The following NAV3 variants were observed in gnomAD, a reference collection of about 807,000 sequenced individuals.
NAV3 encodes pore membrane and/or filament interacting like protein 1.
In NAV3, 87 loss-of-function variants were observed where a neutral mutation model predicts 244.7. The observed-to-expected ratio is 0.36, with a 90% CI of 0.30 to 0.42. The LOEUF is 0.42. Among genes scored for constraint, NAV3 ranks in the 20% least tolerant of loss-of-function variants. The probability of loss-of-function intolerance (pLI) is 1.00; values close to 1 mark genes in which losing one functional copy is unlikely to be tolerated. For missense variants in NAV3, 2,663 were observed against 2,893.3 expected (o/e 0.92, Z 1.83); for synonymous variants, 1,126 against 1,042.2 (o/e 1.08, Z -1.55).
intron 2 of NAV3, among the ~76,000 whole-genome samples, chr12:77,639,197 T>A (rs1872285822): frequency 6.6e-6 from 1 of 152,208 alleles, no homozygotes; most frequent in Non-Finnish European, 1.5e-5. Flanking sequence ...TTAAAAAAAT[T>A]TTTTTTATCC....
At chr12:77,682,928 C>G (rs10161224) in intron 2 of NAV3, among the ~76,000 whole-genome samples, 18,620 of 151,932 alleles carry the variant, frequency 0.12, 2,021 homozygotes, top group African/African-American at 0.29. Flanking sequence ...GTTATCAAGT[C>G]TATGACCTGC....
At chr12:77,709,294 G>A (rs980995164) in intron 2 of NAV3, among the ~76,000 whole-genome samples, 5 of 152,204 alleles carry the variant, frequency 3.3e-5, no homozygotes, top group African/African-American at 1.2e-4. Flanking sequence ...GTATTGATGG[G>A]ACGTATCTCA....
chr12:78,015,030 T>A (rs1239232284), intron 8 of NAV3, among the ~76,000 whole-genome samples: 7 of 152,080 alleles, frequency 4.6e-5, no homozygotes, highest in Admixed American at 1.3e-4. Flanking sequence ...GGCACTTTTG[T>A]GTAGAATACT....
At chr12:78,047,945 A>G (rs372788705) in intron 9 of NAV3, among the ~76,000 whole-genome samples, 3 of 151,844 alleles carry the variant, frequency 2.0e-5, no homozygotes, top group African/African-American at 7.2e-5. Flanking sequence ...TTTATGCTTT[A>G]TTTCAGTAAG....
chr12:77,627,263 T>C (rs1214709291), intron 2 of NAV3, among the ~76,000 whole-genome samples: 1 of 151,976 alleles, frequency 6.6e-6, no homozygotes, highest in African/African-American at 2.4e-5. Flanking sequence ...CAAAATAGAC[T>C]TTAAGTAAAA....
At chr12:77,740,625 A>G (rs554432889) in intron 2 of NAV3, among the ~76,000 whole-genome samples, 1 of 152,316 alleles carries the variant, frequency 6.6e-6, no homozygotes, top group East Asian at 1.9e-4. Flanking sequence ...TATTTCACTC[A>G]TGGTACTGTA....
chr12:77,924,919 C>A (rs1485502668), intron 1 of NAV3, among the ~76,000 whole-genome samples: 1 of 151,580 alleles, frequency 6.6e-6, no homozygotes, highest in Non-Finnish European at 1.5e-5. Context: ...AATAATCCTA[C>A]GAGATAGGCA....
At chr12:77,630,775 A>G (rs1356885075) in intron 2 of NAV3, among the ~76,000 whole-genome samples, 2 of 152,182 alleles carry the variant, frequency 1.3e-5, no homozygotes, top group Admixed American at 6.5e-5. Context: ...CTTTATTTCA[A>G]TAAAATTTGC....
chr12:77,572,924 T>G (rs545883727), intron 2 of NAV3, among the ~76,000 whole-genome samples: 2 of 152,198 alleles, frequency 1.3e-5, no homozygotes, highest in African/African-American at 4.8e-5. Flanking sequence ...TTTTAGAAAC[T>G]CTTACCTGCT....
intron 18 of NAV3, chr12:78,130,618 A>G (rs1295579744): frequency 6.3e-6 from 1 of 158,134 alleles, no homozygotes; most frequent in African/African-American, 2.4e-5. Flanking sequence ...ATCATCCAGG[A>G]AGATTTCTCT....
rs1345231406 is a variant in NAV3, at chr12:77,725,525, T to G, written c.72+153259T>G. Among the ~76,000 whole-genome samples, 8 of 151,892 alleles carry G rather than the reference T, an allele frequency of 5.3e-5. 1 individual carries two copies. In the South Asian group the frequency reaches 1.7e-3, roughly 32 times the overall value. On this transcript the variant is annotated intron_variant, in intron 2 of 8. Coordinates refer to the NAV3 transcript ENST00000550042. Reference sequence around the variant, plus strand: ...TAATTTCATGTGCTCAGTAAAAATGTGGCAGTCTTAAGCCCAATGCTGCAA... The same window carrying G: ...TAATTTCATGTGCTCAGTAAAAATGGGGCAGTCTTAAGCCCAATGCTGCAA...
intron 2 of NAV3, among the ~76,000 whole-genome samples, chr12:77,574,543 G>A (rs1868988591): frequency 6.6e-6 from 1 of 152,078 alleles, no homozygotes; most frequent in South Asian, 2.1e-4. Flanking sequence ...TAATTTAGCA[G>A]GTATAGGTGA....
intron 2 of NAV3, among the ~76,000 whole-genome samples, chr12:77,630,641 G>A (rs1871853323): frequency 6.6e-6 from 1 of 152,120 alleles, no homozygotes; most frequent in Non-Finnish European, 1.5e-5. Flanking sequence ...GAAGAATAGG[G>A]TAGTTTTCTT....
At chr12:78,071,886 C>G (rs956128153) in intron 12 of NAV3, among the ~76,000 whole-genome samples, 4 of 152,180 alleles carry the variant, frequency 2.6e-5, no homozygotes, top group African/African-American at 9.7e-5. Context: ...GAATCTCACT[C>G]AAAACCGCTC....
chr12:77,605,835 G>A (rs151043890), intron 2 of NAV3, among the ~76,000 whole-genome samples: 5 of 149,838 alleles, frequency 3.3e-5, no homozygotes, highest in East Asian at 2.0e-4. Flanking sequence ...GGGAAACTCC[G>A]TCTCAAGAAA....
intron 19 of NAV3, among the ~76,000 whole-genome samples, chr12:78,139,041 A>G (rs373801205): frequency 4.6e-5 from 7 of 152,154 alleles, no homozygotes; most frequent in East Asian, 1.9e-4. Flanking sequence ...CACCTTTCCT[A>G]TGGTACATCA....
At position 78,006,720 on chromosome 12, in the gene NAV3, G is replaced by T. The variant is rs2136567470; in HGVS notation, c.1182G>T (p.Arg394=). Residue 394 remains arginine, a synonymous_variant, in exon 8 of 40, where the codon CGG becomes CGT. Transcript: ENST00000397909. The part of the protein sequence containing the change: ...MLEKFKLVNA[R]TALRPPQPPS... ...AGAAATTCAAGCTAGTCAATGCCCG[G>T]ACTGCTTTACGCCCCCCGCAGCCTC... is the stretch of plus-strand genomic sequence containing the variant. 1 of 1,613,990 alleles carries T rather than the reference G, an allele frequency of 6.2e-7. No individual in the cohort carries two copies. Among genetic ancestry groups the T allele is most frequent in the South Asian group, 1.1e-5 (1 of 91,066 alleles).
chr12:78,092,515 T>A (rs1954006139), intron 12 of NAV3, among the ~76,000 whole-genome samples: 1 of 145,604 alleles, frequency 6.9e-6, no homozygotes, highest in Non-Finnish European at 1.5e-5. Flanking sequence ...TTTTTTTTTT[T>A]TTGAGATGGA....
At chr12:77,651,682 T>C (rs1872829707) in intron 2 of NAV3, among the ~76,000 whole-genome samples, 1 of 152,206 alleles carries the variant, frequency 6.6e-6, no homozygotes, top group African/African-American at 2.4e-5. Flanking sequence ...CTGGTGGTTA[T>C]TATTTTTTAG....
Sources: gnomAD v4.1 joint callset for allele counts (sites outside exome capture counted in the v4.1 genomes callset) on GRCh38, gnomAD v4.1.1 for gene constraint, MANE v1.5 for transcripts, NCBI Gene and HGNC (gene_info 2026-07-23, HGNC 2026-07-21) for gene names.